MUC13: variants seen among roughly 807,000 people sequenced by gnomAD.
The protein encoded by MUC13 is mucin 13, cell surface associated, also known as mucin-13.
A neutral mutation model predicts 48.3 loss-of-function variants in MUC13; 32 were observed. The observed-to-expected ratio is 0.66, with a 90% CI of 0.50 to 0.89. MUC13 has a LOEUF of 0.89. MUC13 is among the 40% of genes least tolerant of loss of function. MUC13 has a pLI of 0.00. For missense variants in MUC13, 571 were observed against 622.8 expected (o/e 0.92, Z 0.88); for synonymous variants, 199 against 224.9 (o/e 0.88, Z 1.03).
chr3:124,909,011 AGGCACAGT>A (rs1489796718), intron 10 of MUC13, among the ~76,000 whole-genome samples: 5 of 152,048 alleles, frequency 3.3e-5, no homozygotes, highest in Non-Finnish European at 7.4e-5. Flanking sequence ...AAAATTAACC[AGGCACAGT>A]GGCATGTGCC....
intron 1 of MUC13, among the ~76,000 whole-genome samples, chr3:124,934,062 T>G (rs1227338315): frequency 6.6e-6 from 1 of 152,204 alleles, no homozygotes; most frequent in African/African-American, 2.4e-5. Context: ...AACGCTATAG[T>G]AGAGAACTGG....
Position 124,922,317 on chromosome 3 carries a change from A to C in MUC13, c.638-14T>G. 21 of 1,613,110 alleles carry C rather than the reference A, an allele frequency of 1.3e-5. No homozygotes were observed. The highest frequency in any genetic ancestry group is 1.8e-5 in the Non-Finnish European group (21 of 1,179,692). ...GGAATACCTTTCCTGAAAGTTAAGC[A>C]GAATCTTTCTGTACTATTTGATGAA... On this transcript the variant is annotated splice_polypyrimidine_tract_variant and intron_variant, in intron 3 of 11. Transcript: ENST00000616727.
intron 5 of MUC13, among the ~76,000 whole-genome samples, chr3:124,917,504 G>C (rs1193103494): frequency 3.3e-5 from 5 of 151,962 alleles, no homozygotes; most frequent in Non-Finnish European, 7.4e-5. Context: ...GCGCCACCGT[G>C]CCCAGCTAAA....
chr3:124,930,351 A>AT (rs34755348), intron 1 of MUC13, among the ~76,000 whole-genome samples: 18,700 of 151,996 alleles, frequency 0.12, 1,207 homozygotes, highest in Admixed American at 0.15. Context: ...AATAGCTACG[A>AT]TTTTTTTTTA....
intron 5 of MUC13, among the ~76,000 whole-genome samples, chr3:124,918,441 A>G (rs1317586708): frequency 6.6e-6 from 1 of 152,224 alleles, no homozygotes; most frequent in Non-Finnish European, 1.5e-5. Flanking sequence ...GATCCCCCAA[A>G]TGACCTTGTG....
At chr3:124,910,353 G>C in intron 10 of MUC13, 62 bp downstream of exon 10, 1 of 1,579,026 alleles carries the variant, frequency 6.3e-7, no homozygotes, top group Non-Finnish European at 8.6e-7. Context: ...GGGCAACATA[G>C]TGAGACCCCC....
At chr3:124,922,512 C>T (rs1039935946) in intron 3 of MUC13, among the ~76,000 whole-genome samples, 5 of 150,150 alleles carry the variant, frequency 3.3e-5, no homozygotes, top group African/African-American at 4.9e-5. Context: ...TTACAGTTTA[C>T]ATTGTTGTAA....
At chr3:124,909,485 CGTGTGT>C (rs71148156) in intron 10 of MUC13, among the ~76,000 whole-genome samples, 68,930 of 148,140 alleles carry the variant, frequency 0.47, 16,603 homozygotes, top group East Asian at 0.58. Flanking sequence ...TGTGTGCTTG[CGTGTGT>C]GTGTGTGTGT....
intron 8 of MUC13, 72 bp from the exon 9 acceptor site, chr3:124,912,213 A>G: frequency 6.3e-7 from 1 of 1,577,340 alleles, no homozygotes; most frequent in South Asian, 1.2e-5. Flanking sequence ...TTCCCACCCC[A>G]ATCTCCACCT....
intron 6 of MUC13, 36 bp downstream of exon 6, chr3:124,916,281 T>G: frequency 6.4e-7 from 1 of 1,554,412 alleles, no homozygotes; most frequent in Non-Finnish European, 8.8e-7. Context: ...AGGTAGGTCT[T>G]CAGGTGAACT....
intron 1 of MUC13, among the ~76,000 whole-genome samples, chr3:124,933,158 CA>C (rs1935824517): frequency 2.0e-5 from 3 of 152,112 alleles, no homozygotes; most frequent in Admixed American, 2.0e-4. Flanking sequence ...AGCTTGAAAC[CA>C]GCTCTCAAAA....
In MUC13 at chr3:124,923,589, T is replaced by C; in HGVS notation, c.575A>G (p.His192Arg). The C allele has an allele frequency of 6.2e-7, 1 of 1,614,092 alleles. No homozygotes were observed. Among genetic ancestry groups the C allele is most frequent in the Non-Finnish European group, 8.5e-7 (1 of 1,179,932 alleles). The change falls in exon 3 of 12, where the codon CAT becomes CGT. Residue 192 changes from histidine to arginine, a missense_variant. His to Arg is a conservative substitution (Grantham distance 29). Coordinates refer to ENST00000616727, the MANE Select transcript of MUC13 (RefSeq NM_033049.4). ...CADNSLCVKL[H>R]NTSFCLCLEG... is the part of the protein sequence containing the mutation. The stretch of plus-strand genomic sequence containing the variant: ...TAAACACAGGCAAAAACTTGTATTA[T>C]GCAGCTTAACACATAACGAATTATC...
rs1281929118 is a variant in MUC13 at position 124,905,498 on chromosome 3, AAAT to A, written c.*1242_*1244del. 2 of 152,352 alleles carry A rather than the reference AAAT, an allele frequency of 1.3e-5. No homozygotes were observed. Among genetic ancestry groups the A allele is most frequent in the African/African-American group, 2.4e-5 (1 of 41,454 alleles). The allele number at this position is 152,352 out of a possible 1,614,324, so 9.4% of individuals were successfully genotyped here. ...CCATTCACAATTAACAGTCAAGAAC[AAAT>A]AATAATAACAAATAAAATAACTTTT... On this transcript the variant is annotated 3_prime_UTR_variant, in exon 12 of 12. Coordinates refer to ENST00000616727, the MANE Select transcript of MUC13 (RefSeq NM_033049.4).
Position 124,916,467 on chromosome 3 carries a change from G to C in MUC13, c.814C>G (p.Pro272Ala), listed in dbSNP as rs745777184. 3 of 1,611,460 alleles carry C rather than the reference G, an allele frequency of 1.9e-6. No homozygotes were observed. Among genetic ancestry groups the C allele is most frequent in the Non-Finnish European group, 2.5e-6 (3 of 1,178,730 alleles). ...TCATCAGCACGCATTTCAGATCTTG[G>C]TGACAGAGATGTGCTAAAAATGAGA... ...VILTVSTSLS[P>A]RSEMRADDKF... Residue 272 changes from proline (P) to alanine (A), a missense_variant, in exon 6 of 12, where the codon CCA (proline) becomes GCA (alanine). By Grantham distance (27) the Pro-to-Ala change is conservative (BLOSUM62 -1). Transcript: ENST00000616727.
intron 3 of MUC13, 104 bp downstream of exon 3, chr3:124,923,423 A>C (rs1320573139): frequency 5.6e-6 from 7 of 1,258,960 alleles, no homozygotes; most frequent in South Asian, 1.5e-5. Context: ...CATTTTCTTT[A>C]TCTCTCATAT....
chr3:124,933,900 C>T (rs1474087007), intron 1 of MUC13, among the ~76,000 whole-genome samples: 1 of 152,180 alleles, frequency 6.6e-6, no homozygotes, highest in African/African-American at 2.4e-5. Flanking sequence ...GCCCATAGAA[C>T]CCTTCCTAAC....
intron 2 of MUC13, among the ~76,000 whole-genome samples, chr3:124,924,255 T>C (rs1038233037): frequency 1.3e-5 from 2 of 152,180 alleles, no homozygotes; most frequent in Non-Finnish European, 2.9e-5. Context: ...AAGTGGATCA[T>C]CTGAATAAAT....
At chr3:124,918,572 C>T (rs1935543553) in intron 5 of MUC13, among the ~76,000 whole-genome samples, 1 of 152,168 alleles carries the variant, frequency 6.6e-6, no homozygotes, top group Non-Finnish European at 1.5e-5. Context: ...CTCAGTTACT[C>T]CTCACAAGGC....
chr3:124,923,123 TCAGA>T (rs1935630962), intron 3 of MUC13, among the ~76,000 whole-genome samples: 3 of 139,334 alleles, frequency 2.2e-5, no homozygotes, highest in Admixed American at 2.2e-4. Flanking sequence ...AAAACAGAAC[TCAGA>T]CAGTCAGCCC....
Sources: allele counts gnomAD v4.1 joint callset (sites outside exome capture counted in the v4.1 genomes callset), GRCh38; gene constraint gnomAD v4.1.1; transcripts MANE v1.5; gene names NCBI Gene and HGNC (gene_info 2026-07-23, HGNC 2026-07-21).